The following SLC35F3 variants were observed in gnomAD, a reference collection of about 807,000 sequenced individuals.
SLC35F3 encodes the protein putative thiamine transporter SLC35F3.
In SLC35F3, 25 loss-of-function variants were observed where a neutral mutation model predicts 49.9. That is an observed-to-expected ratio of 0.50 (90% confidence interval 0.37 to 0.70). SLC35F3 has a LOEUF of 0.70. Among genes scored for constraint, SLC35F3 ranks in the 30% least tolerant of loss-of-function variants. SLC35F3 has a pLI of 0.00. For synonymous variants in SLC35F3, 275 were observed against 265.4 expected (o/e 1.04, Z -0.35); for missense variants, 525 against 639.8 (o/e 0.82, Z 1.94).
chr1:234,051,489 T>G (rs899409380), intron 2 of SLC35F3, among the ~76,000 whole-genome samples: 3 of 152,248 alleles, frequency 2.0e-5, no homozygotes, highest in African/African-American at 7.2e-5. Flanking sequence ...ACATTGATTT[T>G]ATATTCTGAG....
At position 234,022,798 on chromosome 1, in the gene SLC35F3, G is replaced by A. The variant is rs146087533; in HGVS notation, c.283+117040G>A. On this transcript the variant is annotated intron_variant, in intron 2 of 7. Transcript: ENST00000366618. ...GTTCCACTGTATTGAGCCTTGCCAC[G>A]TTGGCTATTCTTATTAATATTAATA... Among the ~76,000 whole-genome samples, 51 of 152,222 alleles carry A rather than the reference G, an allele frequency of 3.4e-4. No homozygotes were observed. In the East Asian group the frequency reaches 7.9e-3, roughly 24 times the overall value.
At chr1:234,256,057 C>T (rs1288938855) in intron 3 of SLC35F3, among the ~76,000 whole-genome samples, 1 of 152,072 alleles carries the variant, frequency 6.6e-6, no homozygotes, top group Non-Finnish European at 1.5e-5. Context: ...AGAACTCCCT[C>T]TAGTTTCTGC....
At chr1:234,073,844 TC>T (rs1169487298) in intron 2 of SLC35F3, among the ~76,000 whole-genome samples, 1 of 152,216 alleles carries the variant, frequency 6.6e-6, no homozygotes, top group Non-Finnish European at 1.5e-5. Context: ...TGCTTCAGTT[TC>T]TTTTTTTATT....
At chr1:234,256,667 AC>A (rs747025048) in intron 3 of SLC35F3, among the ~76,000 whole-genome samples, 1 of 152,226 alleles carries the variant, frequency 6.6e-6, no homozygotes, top group Non-Finnish European at 1.5e-5. Flanking sequence ...ATGTCAGAGA[AC>A]CAAAAACTCC....
chr1:234,202,725 C>A (rs1666916855), intron 2 of SLC35F3, among the ~76,000 whole-genome samples: 2 of 152,308 alleles, frequency 1.3e-5, no homozygotes, highest in Non-Finnish European at 2.9e-5. Flanking sequence ...GAGGAGATGG[C>A]CTGTGCACCT....
chr1:234,029,837 G>A (rs1160345654), intron 2 of SLC35F3, among the ~76,000 whole-genome samples: 1 of 151,928 alleles, frequency 6.6e-6, no homozygotes, highest in East Asian at 1.9e-4. Flanking sequence ...ACTCCAGCCT[G>A]GGCAATAGAG....
intron 2 of SLC35F3, among the ~76,000 whole-genome samples, chr1:234,143,120 A>C (rs1283948232): frequency 6.6e-6 from 1 of 151,968 alleles, no homozygotes; most frequent in African/African-American, 2.4e-5. Flanking sequence ...TATCATCCTC[A>C]TGCTGTACTT....
At chr1:234,003,055 C>G (rs1428304923) in intron 2 of SLC35F3, among the ~76,000 whole-genome samples, 1 of 151,486 alleles carries the variant, frequency 6.6e-6, no homozygotes, top group Admixed American at 6.6e-5. Context: ...ACAAGATACT[C>G]CAGACACATT....
At chr1:234,140,551 T>G (rs1310747966) in intron 2 of SLC35F3, among the ~76,000 whole-genome samples, 2 of 152,192 alleles carry the variant, frequency 1.3e-5, no homozygotes. Flanking sequence ...TCCCCATAGA[T>G]AAGGGTGTCT....
At chr1:234,108,474 TATATATATAAAA>T (rs1665329264) in intron 2 of SLC35F3, among the ~76,000 whole-genome samples, 2 of 91,736 alleles carry the variant, frequency 2.2e-5, no homozygotes, top group Admixed American at 3.0e-4. Context: ...ATATAAAAGA[TATATATATAAAA>T]GATATATATT....
At chr1:233,912,291 A>G (rs1342883151) in intron 2 of SLC35F3, among the ~76,000 whole-genome samples, 2 of 152,156 alleles carry the variant, frequency 1.3e-5, no homozygotes, top group African/African-American at 4.8e-5. Flanking sequence ...CAGCCTGGCC[A>G]AGATGGTGAA....
At chr1:233,905,977 C>G (rs1661770045) in intron 2 of SLC35F3, among the ~76,000 whole-genome samples, 1 of 152,144 alleles carries the variant, frequency 6.6e-6, no homozygotes, top group African/African-American at 2.4e-5. Flanking sequence ...CCCTTCCTCT[C>G]CCACACACAG....
Position 234,139,967 on chromosome 1 carries a change from A to AAT in SLC35F3, c.284-91448_284-91447dup, listed in dbSNP as rs1366094823. 1.6e-3 allele frequency among the ~76,000 whole-genome samples: 195 copies of AAT among 124,118 alleles called. 5 individuals are homozygous for AAT. The highest frequency in any genetic ancestry group is 6.8e-3 in the African/African-American group (185 of 27,126). 81.4% of individuals were successfully genotyped at this position (124,118 alleles called of 152,430 possible). A position where few individuals can be genotyped will look rare whatever the true frequency, so the allele number is the denominator to read the frequency against. ...ATCTCAAAATAATAAAATAAAATAA[A>AAT]ATAAAATAAAATAAAATAAAATAAA... On this transcript the variant is annotated intron_variant, in intron 2 of 7. Coordinates refer to ENST00000366618, the MANE Select transcript of SLC35F3 (RefSeq NM_173508.4).
rs192229571 is a variant in SLC35F3, at chr1:233,907,058, A to G, written c.283+1300A>G. Among the ~76,000 whole-genome samples, 150 of 152,316 alleles carry G rather than the reference A, an allele frequency of 9.8e-4. 1 individual carries two copies. Among genetic ancestry groups the G allele is most frequent in the African/African-American group, 3.5e-3 (144 of 41,558 alleles). Reference sequence around the variant, plus strand: ...GGTTGAAAAACCCTGGGCATGGGATAACAAAAATTAAACCCCATTGGAAAC... The same window carrying G: ...GGTTGAAAAACCCTGGGCATGGGATGACAAAAATTAAACCCCATTGGAAAC... On this transcript the variant is annotated intron_variant, in intron 2 of 7. Transcript: ENST00000366618.
At chr1:234,098,237 G>T (rs1665156123) in intron 2 of SLC35F3, among the ~76,000 whole-genome samples, 1 of 151,146 alleles carries the variant, frequency 6.6e-6, no homozygotes, top group African/African-American at 2.4e-5. Context: ...GTCATAGGGT[G>T]ATGATGGAGG....
intron 2 of SLC35F3, among the ~76,000 whole-genome samples, chr1:234,034,613 C>T (rs7548644): frequency 6.7e-6 from 1 of 150,270 alleles, no homozygotes; most frequent in African/African-American, 2.5e-5. Flanking sequence ...CTCTGCCTCC[C>T]GGATTCAAGC....
intron 2 of SLC35F3, among the ~76,000 whole-genome samples, chr1:234,210,663 G>A (rs1226989425): frequency 6.6e-6 from 1 of 152,210 alleles, no homozygotes; most frequent in African/African-American, 2.4e-5. Context: ...AAGCAGCAAA[G>A]CATTCAACAG....
At chr1:234,095,294 T>C (rs904218320) in intron 2 of SLC35F3, among the ~76,000 whole-genome samples, 4 of 152,108 alleles carry the variant, frequency 2.6e-5, no homozygotes, top group African/African-American at 9.7e-5. Flanking sequence ...GTGAGCTGGA[T>C]TTAAACAGAT....
intron 2 of SLC35F3, among the ~76,000 whole-genome samples, chr1:234,018,762 T>G (rs1280444010): frequency 6.6e-6 from 1 of 152,234 alleles, no homozygotes; most frequent in African/African-American, 2.4e-5. Context: ...TCATTTCAAT[T>G]GACTTTTCCT....
Sources: gnomAD v4.1 joint callset for allele counts (sites outside exome capture counted in the v4.1 genomes callset) on GRCh38, gnomAD v4.1.1 for gene constraint, MANE v1.5 for transcripts, NCBI Gene and HGNC (gene_info 2026-07-23, HGNC 2026-07-21) for gene names.